NAALADL2: variants seen among roughly 807,000 people sequenced by gnomAD.
NAALADL2 encodes inactive N-acetylated-alpha-linked acidic dipeptidase-like protein 2.
A neutral mutation model predicts 87.2 loss-of-function variants in NAALADL2; 76 were observed. The ratio of observed to expected loss-of-function variants is 0.87; its 90% CI spans 0.72 to 1.05. The LOEUF (loss-of-function observed/expected upper bound fraction) is 1.05, where lower values mean the gene tolerates loss of function less well. NAALADL2 is among the 50% of genes least tolerant of loss of function. The pLI is 0.00. For missense variants in NAALADL2, 1,089 were observed against 945.8 expected (o/e 1.15, Z -1.99); for synonymous variants, 354 against 331.0 (o/e 1.07, Z -0.75).
chr3:175,264,674 AACTTG>A (rs1213507722), intron 4 of NAALADL2, among the ~76,000 whole-genome samples: 1 of 151,710 alleles, frequency 6.6e-6, no homozygotes, highest in Non-Finnish European at 1.5e-5. Context: ...AAATAAATAT[AACTTG>A]ACTTTAAATT....
chr3:174,605,307 G>A (rs1718894134), intron 2 of NAALADL2, among the ~76,000 whole-genome samples: 1 of 152,174 alleles, frequency 6.6e-6, no homozygotes. Flanking sequence ...GTGCCAGACA[G>A]TGGGCGCGCA....
chr3:174,848,385 G>A (rs1724875062), intron 3 of NAALADL2, among the ~76,000 whole-genome samples: 1 of 152,050 alleles, frequency 6.6e-6, no homozygotes, highest in Non-Finnish European at 1.5e-5. Context: ...CTCCAACCGA[G>A]TGATAAATGA....
chr3:175,047,316 T>G (rs1042687800), intron 1 of NAALADL2, among the ~76,000 whole-genome samples: 10 of 152,136 alleles, frequency 6.6e-5, no homozygotes, highest in African/African-American at 2.4e-4. Context: ...TTTGCGAAAA[T>G]GACAAAAAAC....
chr3:174,632,933 CAAAAAA>C (rs56809226), intron 2 of NAALADL2, among the ~76,000 whole-genome samples: 1 of 63,776 alleles, frequency 1.6e-5, no homozygotes, highest in African/African-American at 5.4e-5. Context: ...GACTCTGTCT[CAAAAAA>C]AAAAAAAAAA....
chr3:174,791,640 C>T (rs1227065516), intron 3 of NAALADL2, among the ~76,000 whole-genome samples: 1 of 152,168 alleles, frequency 6.6e-6, no homozygotes, highest in Non-Finnish European at 1.5e-5. Context: ...TGCATTAACA[C>T]AGCATTCTCT....
At chr3:174,602,084 T>C (rs555610523) in intron 2 of NAALADL2, among the ~76,000 whole-genome samples, 72 of 152,082 alleles carry the variant, frequency 4.7e-4, no homozygotes, top group African/African-American at 1.7e-3. Flanking sequence ...TAACTGAGCA[T>C]AGCTTTGGCT....
intron 3 of NAALADL2, among the ~76,000 whole-genome samples, chr3:174,780,263 T>C (rs1409571124): frequency 1.3e-5 from 2 of 152,190 alleles, no homozygotes; most frequent in Non-Finnish European, 2.9e-5. Context: ...GGGAGTTCAC[T>C]CACTATTTGG....
At chr3:175,770,118 TTGAAC>T (rs1293396921) in intron 13 of NAALADL2, among the ~76,000 whole-genome samples, 1 of 152,156 alleles carries the variant, frequency 6.6e-6, no homozygotes, top group Non-Finnish European at 1.5e-5. Context: ...GGACTAGTGT[TTGAAC>T]AAACAACTGG....
intron 10 of NAALADL2, among the ~76,000 whole-genome samples, chr3:175,599,832 A>G (rs1417253519): frequency 6.6e-6 from 1 of 152,154 alleles, no homozygotes; most frequent in African/African-American, 2.4e-5. Flanking sequence ...TATTATAGAA[A>G]CAGTTTAAGA....
At chr3:174,899,264 A>T (rs1188437600) in intron 1 of NAALADL2, among the ~76,000 whole-genome samples, 1 of 152,156 alleles carries the variant, frequency 6.6e-6, no homozygotes, top group Non-Finnish European at 1.5e-5. Context: ...AAGAGAAATG[A>T]GTAATATATA....
At position 174,700,250 on chromosome 3, in the gene NAALADL2, G is replaced by A. The variant is rs371692455; in HGVS notation, c.-114-37391G>A. Among the ~76,000 whole-genome samples the A allele has an allele frequency of 5.0e-4, 73 of 145,520 alleles. 1 individual carries two copies. The highest frequency in any genetic ancestry group is 1.4e-3 in the Admixed American group (20 of 14,484). ...CACAGTTTTTTTTTTTTTTTTCAGC[G>A]TAGAACTGTAAGACTATGGAAATAA... On this transcript the variant is annotated intron_variant, in intron 2 of 3. Transcript: ENST00000434257.
chr3:175,380,306 T>G (rs1031827867), intron 5 of NAALADL2, among the ~76,000 whole-genome samples: 6 of 152,192 alleles, frequency 3.9e-5, no homozygotes, highest in Non-Finnish European at 5.9e-5. Flanking sequence ...TGCCCTAGAA[T>G]GTGCATTTTG....
intron 2 of NAALADL2, among the ~76,000 whole-genome samples, chr3:174,689,679 T>G: frequency 6.6e-6 from 1 of 151,810 alleles, no homozygotes; most frequent in African/African-American, 2.4e-5. Context: ...GAGAGGAGAG[T>G]TGCTCCATCT....
chr3:174,663,861 C>T (rs1252825328), intron 2 of NAALADL2, among the ~76,000 whole-genome samples: 1 of 149,540 alleles, frequency 6.7e-6, no homozygotes, highest in African/African-American at 2.5e-5. Flanking sequence ...AATCTTGGCT[C>T]ACTGCAACCT....
chr3:175,232,591 A>C (rs992059124), intron 2 of NAALADL2, among the ~76,000 whole-genome samples: 1 of 152,190 alleles, frequency 6.6e-6, no homozygotes, highest in Non-Finnish European at 1.5e-5. Flanking sequence ...AATCTTTTAC[A>C]AAGTCTCAAA....
intron 1 of NAALADL2, among the ~76,000 whole-genome samples, chr3:174,923,050 A>G (rs1404359846): frequency 6.6e-6 from 1 of 152,318 alleles, no homozygotes; most frequent in East Asian, 1.9e-4. Flanking sequence ...TTCTACAAAA[A>G]AAGGAACAAG....
At chr3:175,016,494 GGGTTATCACTGAGGTATTGATAAAAGT>G (rs1216779381) in intron 1 of NAALADL2, among the ~76,000 whole-genome samples, 2 of 150,982 alleles carry the variant, frequency 1.3e-5, no homozygotes, top group African/African-American at 2.4e-5. Flanking sequence ...CCTGCTAAAG[GGGTTATCACTGAGGTATTGATAAAAGT>G]GGTTATCTCT....
chr3:175,027,255 A>T (rs1214927956), intron 1 of NAALADL2, among the ~76,000 whole-genome samples: 1 of 152,158 alleles, frequency 6.6e-6, no homozygotes, highest in Non-Finnish European at 1.5e-5. Context: ...TTTAATGCCA[A>T]TGAATGAAAA....
At chr3:174,835,802 G>A (rs1723267196) in intron 3 of NAALADL2, among the ~76,000 whole-genome samples, 1 of 151,994 alleles carries the variant, frequency 6.6e-6, no homozygotes, top group Non-Finnish European at 1.5e-5. Context: ...ACAACCACGA[G>A]GTATTATTCA....
Sources: gnomAD v4.1 joint callset for allele counts (sites outside exome capture counted in the v4.1 genomes callset) on GRCh38, gnomAD v4.1.1 for gene constraint, MANE v1.5 for transcripts, NCBI Gene and HGNC (gene_info 2026-07-23, HGNC 2026-07-21) for gene names.